The following NUP153 variants were observed in gnomAD, a reference collection of about 807,000 sequenced individuals.
The protein encoded by NUP153 is nucleoporin 153, also known as nuclear pore complex protein Nup153.
Under a neutral mutation model 134.6 loss-of-function variants are expected in NUP153, and 27 were observed. The observed-to-expected ratio is 0.20, with a 90% CI of 0.15 to 0.28. The LOEUF is 0.28. Ranked by LOEUF, NUP153 falls within the 10% of genes least tolerant of loss-of-function variation. The pLI, the probability that NUP153 is intolerant of heterozygous loss-of-function variation, is 1.00. For synonymous variants in NUP153, 640 were observed against 623.5 expected, an observed-to-expected ratio of 1.03 and a Z score of -0.40; for missense variants, 1,821 against 1,731.3, an observed-to-expected ratio of 1.05 and a Z score of -0.92.
chr6:17,626,814 G>T (rs1229062585), intron 18 of NUP153, among the ~76,000 whole-genome samples: 2 of 152,130 alleles, frequency 1.3e-5, no homozygotes, highest in Admixed American at 6.6e-5. Context: ...AATAAGTTTA[G>T]CTTGTCAAGC....
At chr6:17,699,294 A>G (rs1276236385) in intron 1 of NUP153, among the ~76,000 whole-genome samples, 1 of 151,336 alleles carries the variant, frequency 6.6e-6, no homozygotes, top group Non-Finnish European at 1.5e-5. Flanking sequence ...CAGGACTTCA[A>G]GACCAGCCTG....
chr6:17,675,363 T>C lies in NUP153; in HGVS notation c.589A>G (p.Thr197Ala). The C allele has an allele frequency of 6.2e-7, 1 of 1,613,534 alleles. No homozygotes were observed. ...FSSRASDKDI[T>A]VSKNTSLPPL... ...GGCAATGAAGTGTTCTTTGAAACAG[T>C]TATATCTGAAACAAAATTACATAAT... The change falls in exon 4 of 22, where the codon ACT becomes GCT. Residue 197 changes from threonine (T) to alanine (A), a missense_variant. Physicochemically the swap from Thr to Ala is moderately conservative, Grantham distance 58 (BLOSUM62 0). Coordinates refer to ENST00000262077, the MANE Select transcript of NUP153 (RefSeq NM_005124.4). This position sits in a 1 kb window ranked among gnomAD's most constrained non-coding sequence, Gnocchi z 4.4.
At chr6:17,644,689 T>C (rs1766048646) in intron 14 of NUP153, among the ~76,000 whole-genome samples, 1 of 152,154 alleles carries the variant, frequency 6.6e-6, no homozygotes. Flanking sequence ...ACGTCTGTAA[T>C]CCCAATACTT....
intron 16 of NUP153, 83 bp downstream of exon 16, chr6:17,637,070 A>G (rs1765584142): frequency 5.3e-6 from 7 of 1,329,240 alleles, no homozygotes; most frequent in Non-Finnish European, 7.2e-6. Context: ...ATCCTGAAAC[A>G]TCTAAAACAA....
rs1324126668 is a variant in NUP153, at chr6:17,624,962, TCAAGA to T, written c.3902-134_3902-130del. ...CTCTTACCTTGCTAACCAAATTCCA[TCAAGA>T]CAAGTTTTAAATAATGATTGAGAAT... is the stretch of plus-strand genomic sequence containing the variant. On this transcript the variant is annotated intron_variant, in intron 19 of 21. Transcript: ENST00000262077. 1.1e-5 allele frequency: 9 copies of T among 828,674 alleles called. No homozygotes were observed. In the Admixed American group the frequency reaches 2.4e-4, roughly 22 times the overall value. The allele number at this position is 828,674 out of a possible 1,614,324, so 51.3% of individuals were successfully genotyped here. A position where few individuals can be genotyped will look rare whatever the true frequency, so the allele number is the denominator to read the frequency against.
At position 17,680,384 on chromosome 6, in the gene NUP153, T is replaced by TG. The variant is rs1768506068; in HGVS notation, c.335-4615dup. ...GGACAGTCTCTTCATTAAATGGTTT[T>TG]GGAAAACTGGATATCCACATGAAAA... On this transcript the variant is annotated intron_variant, in intron 2 of 21. Coordinates refer to ENST00000262077, the MANE Select transcript of NUP153 (RefSeq NM_005124.4). The surrounding 1 kb of genome is among the most constrained non-coding windows in gnomAD (Gnocchi z 4.5). Among the ~76,000 whole-genome samples the TG allele has an allele frequency of 6.6e-6, 1 of 152,198 alleles. No individual in the cohort carries two copies. The highest frequency in any genetic ancestry group is 6.5e-5 in the Admixed American group (1 of 15,274).
intron 5 of NUP153, among the ~76,000 whole-genome samples, chr6:17,672,915 A>C (rs1243995727): frequency 6.6e-6 from 1 of 152,218 alleles, no homozygotes; most frequent in Non-Finnish European, 1.5e-5. Flanking sequence ...ATAGGCATAA[A>C]TTAAAACCTA....
chr6:17,702,220 AT>A (rs1441825076), intron 1 of NUP153, among the ~76,000 whole-genome samples: 1 of 152,122 alleles, frequency 6.6e-6, no homozygotes, highest in Non-Finnish European at 1.5e-5. Context: ...AAATGACACC[AT>A]TTCTGGCCGG....
intron 5 of NUP153, among the ~76,000 whole-genome samples, chr6:17,671,751 A>T (rs1456927741): frequency 6.6e-6 from 1 of 152,184 alleles, no homozygotes; most frequent in Non-Finnish European, 1.5e-5. Context: ...TCATACCTAT[A>T]ATACCAGCAC....
Position 17,669,294 on chromosome 6 carries a change from G to T in NUP153, c.1013C>A (p.Ser338Tyr), listed in dbSNP as rs375866144. 6.2e-7 allele frequency: 1 copy of T among 1,608,854 alleles called. No homozygotes were observed. Among genetic ancestry groups the T allele is most frequent in the Non-Finnish European group, 8.5e-7 (1 of 1,175,888 alleles). Residue 338 changes from serine (S) to tyrosine (Y), a missense_variant and splice_region_variant, in exon 7 of 22, where the codon TCT becomes TAT. By Grantham distance (144) the Ser-to-Tyr change is moderately radical. Coordinates refer to ENST00000262077, the MANE Select transcript of NUP153 (RefSeq NM_005124.4). The part of the protein sequence containing the change: ...IPSIVSSPLN[S>Y]PLDRSGIDIT... Reference sequence around the variant, plus strand: ...AAAAAGGTTTAAATCTCAACTTACAGAATTCAGAGGAGAAGAAACAATGGA... The same window carrying T: ...AAAAAGGTTTAAATCTCAACTTACATAATTCAGAGGAGAAGAAACAATGGA...
intron 1 of NUP153, among the ~76,000 whole-genome samples, chr6:17,701,145 A>C (rs1770035466): frequency 6.6e-6 from 1 of 151,880 alleles, no homozygotes; most frequent in East Asian, 1.9e-4. Flanking sequence ...GAGTTGCTTG[A>C]ACCCAGGAGG....
chr6:17,657,527 C>T (rs1766903796), intron 11 of NUP153, among the ~76,000 whole-genome samples: 1 of 152,000 alleles, frequency 6.6e-6, no homozygotes. Context: ...TCGTGCACTC[C>T]AGCCTGGGCA....
chr6:17,636,325 A>G (rs936804947), intron 16 of NUP153, among the ~76,000 whole-genome samples: 18 of 147,146 alleles, frequency 1.2e-4, no homozygotes, highest in African/African-American at 4.6e-4. Context: ...ACACAGTGAG[A>G]CTCTGTCTCA....
At chr6:17,667,198 AACT>A (rs1767588294) in intron 8 of NUP153, among the ~76,000 whole-genome samples, 1 of 152,212 alleles carries the variant, frequency 6.6e-6, no homozygotes, top group Non-Finnish European at 1.5e-5. Flanking sequence ...CCATCATAGA[AACT>A]ACTAATAGAT....
intron 20 of NUP153, among the ~76,000 whole-genome samples, chr6:17,621,970 AAAGTTTTTCATTT>A (rs1764665600): frequency 6.6e-6 from 1 of 152,154 alleles, no homozygotes; most frequent in Non-Finnish European, 1.5e-5. Flanking sequence ...ATATTTTTTT[AAAGTTTTTCATTT>A]TTATCAAAAA....
chr6:17,659,755 G>A (rs886111455), intron 11 of NUP153, among the ~76,000 whole-genome samples: 21 of 152,284 alleles, frequency 1.4e-4, no homozygotes, highest in African/African-American at 4.1e-4. Context: ...ACAGGCATGA[G>A]CCACCGTGCC....
chr6:17,706,148 G>A lies in NUP153; in HGVS notation c.111+129C>T. 1 of 728,766 alleles carries A rather than the reference G, an allele frequency of 1.4e-6. No homozygotes were observed. 45.1% of individuals were successfully genotyped at this position (728,766 alleles called of 1,614,324 possible). A position where few individuals can be genotyped will look rare whatever the true frequency, so the allele number is the denominator to read the frequency against. ...ACCCCCAACGGCCTGAGCTCCCCCG[G>A]AGCCTCACTCGGGCCTTTCCTCAGG... On this transcript the variant is annotated intron_variant, in intron 1 of 21. Coordinates refer to ENST00000262077, the MANE Select transcript of NUP153 (RefSeq NM_005124.4). The surrounding 1 kb of genome is among the most constrained non-coding windows in gnomAD (Gnocchi z 5.9).
In NUP153 at chr6:17,677,566, C is replaced by A. The variant is rs1232141507; in HGVS notation, c.335-1796G>T. On this transcript the variant is annotated intron_variant, in intron 2 of 21. Transcript: ENST00000262077. The stretch of plus-strand genomic sequence containing the variant: ...CCCTTAAAATTATTTTGACTAGGAT[C>A]ACACTGAATTTAAGATTTTTAAGAA... Among the ~76,000 whole-genome samples, 14 of 152,094 alleles carry A rather than the reference C, an allele frequency of 9.2e-5. 1 individual carries two copies. Among genetic ancestry groups the A allele is most frequent in the Non-Finnish European group, 2.1e-4 (14 of 68,004 alleles).
chr6:17,630,430 C>T (rs909903040), intron 17 of NUP153, among the ~76,000 whole-genome samples: 4 of 152,010 alleles, frequency 2.6e-5, no homozygotes, highest in Admixed American at 1.3e-4. Context: ...GAGGCCAAGG[C>T]GGGCAGATCA....
Sources: gnomAD v4.1 joint callset for allele counts (sites outside exome capture counted in the v4.1 genomes callset) on GRCh38, gnomAD v4.1.1 for gene constraint, Gnocchi (gnomAD v3.1) non-coding constraint, MANE v1.5 for transcripts, NCBI Gene and HGNC (gene_info 2026-07-23, HGNC 2026-07-21) for gene names.